Variants in NR3C2 observed in about 807,000 individuals in gnomAD.
The protein encoded by NR3C2 is nuclear receptor subfamily 3 group C member 2.
A neutral mutation model predicts 86.4 loss-of-function variants in NR3C2; 15 were observed. The ratio of observed to expected loss-of-function variants is 0.17; its 90% confidence interval spans 0.12 to 0.27. The LOEUF (loss-of-function observed/expected upper bound fraction) is 0.27. NR3C2 is among the 10% of genes least tolerant of loss of function. The pLI is 1.00. For synonymous variants in NR3C2, 458 were observed against 450.5 expected (o/e 1.02, Z -0.21); for missense variants, 960 against 1,195.6 (o/e 0.80, Z 2.91).
At chr4:148,319,770 A>T (rs1422079864) in intron 2 of NR3C2, among the ~76,000 whole-genome samples, 2 of 150,566 alleles carry the variant, frequency 1.3e-5, no homozygotes, top group Non-Finnish European at 2.9e-5. Flanking sequence ...GCTTAAGGAG[A>T]TTTTGGGTTG....
chr4:148,216,523 G>T (rs1253675409), intron 3 of NR3C2, among the ~76,000 whole-genome samples: 1 of 152,110 alleles, frequency 6.6e-6, no homozygotes. Context: ...ACAGGCTCTG[G>T]CACCCTTGCT....
intron 2 of NR3C2, among the ~76,000 whole-genome samples, chr4:148,372,573 A>C (rs892082851): frequency 6.6e-6 from 1 of 152,214 alleles, no homozygotes; most frequent in African/African-American, 2.4e-5. Flanking sequence ...ATGTGCCTAC[A>C]AGCAATCTAG....
At chr4:148,082,664 AGT>A (rs1491468151) in intron 8 of NR3C2, among the ~76,000 whole-genome samples, 27 of 61,508 alleles carry the variant, frequency 4.4e-4, no homozygotes, top group Middle Eastern at 6.8e-3. Flanking sequence ...AGCTAGCTGC[AGT>A]TTTTTTTTTT....
At position 148,415,046 on chromosome 4, in the gene NR3C2, AT is replaced by A. The variant is rs1163164903; in HGVS notation, c.1757+20057del. Among the ~76,000 whole-genome samples the A allele has an allele frequency of 2.0e-5, 3 of 152,354 alleles. No individual in the cohort carries two copies. The East Asian group carries it at 5.8e-4, about 29-fold the overall frequency. Reference sequence around the variant, plus strand: ...TACAGAAAAATCTGTTAGGCTCAAAATTTCCAGTGATTCACCTAATACCAAT... The same window carrying A: ...TACAGAAAAATCTGTTAGGCTCAAAATTCCAGTGATTCACCTAATACCAAT... On this transcript the variant is annotated intron_variant, in intron 2 of 8. Coordinates refer to ENST00000358102, the MANE Select transcript of NR3C2 (RefSeq NM_000901.5).
At chr4:148,287,701 A>T (rs555314568) in intron 2 of NR3C2, among the ~76,000 whole-genome samples, 4 of 152,324 alleles carry the variant, frequency 2.6e-5, no homozygotes, top group Non-Finnish European at 5.9e-5. Flanking sequence ...AAGTTCTAGT[A>T]GGAAATATGT....
At chr4:148,436,902 T>C in intron 1 of NR3C2, 40 bp from the exon 2 acceptor site, 2 of 1,464,086 alleles carry the variant, frequency 1.4e-6, no homozygotes, top group South Asian at 2.4e-5. Context: ...GAGTCAGTTA[T>C]AGCAATATTA....
At chr4:148,081,554 C>T in intron 8 of NR3C2, 55 bp from the exon 9 acceptor site, 1 of 1,611,474 alleles carries the variant, frequency 6.2e-7, no homozygotes. Flanking sequence ...GACCCTGGAT[C>T]CCTCTGCCTT....
intron 2 of NR3C2, among the ~76,000 whole-genome samples, chr4:148,379,166 T>C (rs1271431013): frequency 4.6e-5 from 7 of 152,276 alleles, no homozygotes; most frequent in Admixed American, 3.9e-4. Context: ...AATTTAACCC[T>C]CTAGAAAATC....
intron 3 of NR3C2, among the ~76,000 whole-genome samples, chr4:148,239,310 G>A (rs780239157): frequency 3.3e-5 from 5 of 152,194 alleles, no homozygotes; most frequent in African/African-American, 4.8e-5. Flanking sequence ...CAGGGTCCCA[G>A]TCTGTAAAAT....
intron 6 of NR3C2, among the ~76,000 whole-genome samples, chr4:148,134,284 C>T (rs1383828958): frequency 1.3e-5 from 2 of 152,184 alleles, no homozygotes; most frequent in African/African-American, 4.8e-5. Context: ...GCCACTATAC[C>T]ACCAGTGACA....
intron 2 of NR3C2, among the ~76,000 whole-genome samples, chr4:148,265,091 C>A (rs1447576193): frequency 1.3e-5 from 2 of 152,060 alleles, no homozygotes; most frequent in Non-Finnish European, 2.9e-5. Flanking sequence ...AAAGGTAGTT[C>A]AGAGGATTTT....
At chr4:148,188,474 A>G (rs191472835) in intron 4 of NR3C2, among the ~76,000 whole-genome samples, 2 of 152,004 alleles carry the variant, frequency 1.3e-5, no homozygotes, top group Non-Finnish European at 2.9e-5. Context: ...TACACATTTG[A>G]TTTTATATTT....
At chr4:148,252,095 G>A (rs1739605834) in intron 3 of NR3C2, among the ~76,000 whole-genome samples, 1 of 152,146 alleles carries the variant, frequency 6.6e-6, no homozygotes, top group Non-Finnish European at 1.5e-5. Context: ...GCACGACTCA[G>A]TGGATGGATC....
chr4:148,231,651 C>T (rs947266753), intron 3 of NR3C2, among the ~76,000 whole-genome samples: 1 of 152,128 alleles, frequency 6.6e-6, no homozygotes, highest in Non-Finnish European at 1.5e-5. Flanking sequence ...AGGCTTGGGG[C>T]AACTGTGGCA....
At chr4:148,240,551 A>G (rs1054660242) in intron 3 of NR3C2, among the ~76,000 whole-genome samples, 3 of 152,156 alleles carry the variant, frequency 2.0e-5, no homozygotes, top group African/African-American at 7.2e-5. Context: ...TAGTTTCAAC[A>G]GGCTCATGCC....
At position 148,369,337 on chromosome 4, in the gene NR3C2, T is replaced by C. The variant is rs1247413183; in HGVS notation, c.1757+65767A>G. Among the ~76,000 whole-genome samples, 6 of 152,178 alleles carry C rather than the reference T, an allele frequency of 3.9e-5. No individual in the cohort carries two copies. The South Asian group carries it at 1.0e-3, about 26-fold the overall frequency. On this transcript the variant is annotated intron_variant, in intron 2 of 8. Transcript: ENST00000358102. ...ACCCATAACATGAATTTCGGAGAAA[T>C]TACAATACCATTTCATATTAGCATA...
Position 148,436,328 on chromosome 4 carries a change from C to T in NR3C2, c.533G>A (p.Arg178His), listed in dbSNP as rs371233416. The change falls in exon 2 of 9, where the codon CGC becomes CAC. Residue 178 changes from arginine (R) to histidine (H), a missense_variant. Physicochemically the swap from Arg to His is conservative, Grantham distance 29 (BLOSUM62 0). This residue lies in a region of NR3C2 where 680 missense variants were observed against 719.0 expected (regional missense o/e 0.95). Transcript: ENST00000358102. The stretch of plus-strand genomic sequence containing the variant: ...CATGATAGGGCTTTTAACAACGGCG[C>T]GCATGACGCCACCATTCACGGAGCT... ...SGSSVNGGVM[R>H]AVVKSPIMCH... The T allele has an allele frequency of 4.3e-6, 7 of 1,614,028 alleles. No individual in the cohort carries two copies. The African/African-American group carries it at 6.7e-5, about 15-fold the overall frequency.
At chr4:148,090,999 C>T (rs562829938) in intron 8 of NR3C2, among the ~76,000 whole-genome samples, 57 of 152,332 alleles carry the variant, frequency 3.7e-4, no homozygotes, top group African/African-American at 1.3e-3. Flanking sequence ...GGGGTGGTGT[C>T]ACCACCAACT....
At chr4:148,404,780 T>C (rs552907190) in intron 2 of NR3C2, among the ~76,000 whole-genome samples, 12 of 152,340 alleles carry the variant, frequency 7.9e-5, no homozygotes, top group African/African-American at 2.4e-4. Context: ...TGAAAATCTA[T>C]GTAATGTTTT....
Sources: allele counts gnomAD v4.1 joint callset (sites outside exome capture counted in the v4.1 genomes callset), GRCh38; gene constraint gnomAD v4.1.1; regional missense constraint gnomAD v4.1.1; transcripts MANE v1.5; gene names NCBI Gene and HGNC (gene_info 2026-07-23, HGNC 2026-07-21).